VWA5B1: variants seen among roughly 807,000 people sequenced by gnomAD.
VWA5B1 encodes the protein von Willebrand factor A domain containing 5B1.
VWA5B1 carries 115 observed loss-of-function variants against 118.2 expected under a neutral mutation model. The ratio of observed to expected loss-of-function variants is 0.97; its 90% confidence interval spans 0.84 to 1.14. The LOEUF is 1.14. Among genes scored for constraint, VWA5B1 ranks in the 50% most tolerant of loss-of-function variants. The pLI is 0.00. For missense variants in VWA5B1, 1,596 were observed against 1,603.8 expected, an observed-to-expected ratio of 1.00 and a Z score of 0.08; for synonymous variants, 682 against 658.4, an observed-to-expected ratio of 1.04 and a Z score of -0.55.
intron 6 of VWA5B1, 76 bp from the exon 7 acceptor site, chr1:20,319,306 C>A: frequency 2.0e-6 from 3 of 1,526,088 alleles, no homozygotes; most frequent in South Asian, 1.2e-5. Flanking sequence ...GAGAATCTTG[C>A]ACCTAAACCA....
intron 1 of VWA5B1, among the ~76,000 whole-genome samples, chr1:20,291,359 T>TTCTTTCTTTCTTTCTTTCTCTCTCTCTC (rs1381113890): frequency 1.5e-4 from 15 of 103,402 alleles, no homozygotes; most frequent in African/African-American, 4.7e-4. Context: ...CTTTCTTTCT[T>TTCTTTCTTTCTTTCTTTCTCTCTCTCTC]TCTCTCTCTC....
At chr1:20,327,751 G>T (rs945286643) in intron 8 of VWA5B1, 139 bp from the exon 9 acceptor site, 1 of 724,820 alleles carries the variant, frequency 1.4e-6, no homozygotes, top group Non-Finnish European at 2.3e-6. Flanking sequence ...GAGGGAAAAG[G>T]AGTTGCTGGG....
At chr1:20,295,982 C>A (rs566439548) in intron 1 of VWA5B1, among the ~76,000 whole-genome samples, 2 of 152,294 alleles carry the variant, frequency 1.3e-5, no homozygotes, top group South Asian at 4.1e-4. Flanking sequence ...CCTGCCTCAG[C>A]CTCCTGAGTA....
chr1:20,354,270 G>C lies in VWA5B1; in HGVS notation c.*7G>C, dbSNP rs1204629126. The C allele has an allele frequency of 6.6e-7, 1 of 1,523,752 alleles. No individual in the cohort carries two copies. 94.4% of individuals were successfully genotyped at this position (1,523,752 alleles called of 1,614,324 possible). On this transcript the variant is annotated 3_prime_UTR_variant, in exon 22 of 22. Coordinates refer to ENST00000289815, the MANE Select transcript of VWA5B1 (RefSeq NM_001039500.3). Reference sequence around the variant, plus strand: ...TAACCCGAATTATGTGTAGTTGAGTGACGGGGAGGCTGGGTGGAGGGAAGG... The same window carrying C: ...TAACCCGAATTATGTGTAGTTGAGTCACGGGGAGGCTGGGTGGAGGGAAGG...
intron 3 of VWA5B1, 31 bp downstream of exon 3, chr1:20,313,019 CT>C (rs1442567338): frequency 7.1e-6 from 11 of 1,544,286 alleles, no homozygotes; most frequent in Non-Finnish European, 2.6e-6. Context: ...GCCGCGGGAC[CT>C]GGGTTTGGCC....
chr1:20,350,804 A>G (rs2090113732), intron 19 of VWA5B1, 53 bp from the exon 20 acceptor site: 1 of 1,519,802 alleles, frequency 6.6e-7, no homozygotes, highest in Non-Finnish European at 8.9e-7. Flanking sequence ...GTCAGTGAGC[A>G]GTTGGACGGG....
Position 20,358,679 on chromosome 1 carries a change from G to GTACT in VWA5B1, c.*4417_*4420dup, listed in dbSNP as rs2090271317. On this transcript the variant is annotated 3_prime_UTR_variant, in exon 22 of 22. Coordinates refer to ENST00000289815, the MANE Select transcript of VWA5B1 (RefSeq NM_001039500.3). ...GTGCCCTGGGAAAGGAGAGGGAAGG[G>GTACT]TACTGCCGCCCCATGAATGGGGCAT... Among the ~76,000 whole-genome samples the GTACT allele has an allele frequency of 1.3e-5, 2 of 152,188 alleles. No homozygotes were observed. The highest frequency in any genetic ancestry group is 4.1e-4 in the South Asian group (2 of 4,832).
In VWA5B1 at chr1:20,350,203, G is replaced by C. The variant is rs778244356; in HGVS notation, c.2926G>C (p.Gly976Arg). ...TALFSEARSP[G>R]REKHGASEGP... Reference sequence around the variant, plus strand: ...TCTCTTCAGCGAGGCCAGGTCCCCCGGCCGCGAGAAGCACGGTGCTTCTGA... The same window carrying C: ...TCTCTTCAGCGAGGCCAGGTCCCCCCGCCGCGAGAAGCACGGTGCTTCTGA... Residue 976 changes from glycine to arginine, a missense_variant, in exon 19 of 22, where the codon GGC becomes CGC. Transcript: ENST00000289815. 1 of 1,551,168 alleles carries C rather than the reference G, an allele frequency of 6.4e-7. No individual in the cohort carries two copies. The highest frequency in any genetic ancestry group is 8.7e-7 in the Non-Finnish European group (1 of 1,146,980).
chr1:20,351,600 C>A (rs752305897), intron 20 of VWA5B1, among the ~76,000 whole-genome samples: 3 of 151,998 alleles, frequency 2.0e-5, no homozygotes, highest in Non-Finnish European at 4.4e-5. Flanking sequence ...TGCAGTGAAC[C>A]GAGATTGCTC....
chr1:20,343,545 C>A (rs1360072642), intron 16 of VWA5B1, among the ~76,000 whole-genome samples, 152 bp downstream of exon 16: 1 of 147,778 alleles, frequency 6.8e-6, no homozygotes, highest in East Asian at 2.1e-4. Flanking sequence ...CCACCCCCTC[C>A]TCACAGCCCC....
Position 20,313,073 on chromosome 1 carries a change from G to C in VWA5B1, c.292+85G>C. On this transcript the variant is annotated intron_variant, in intron 3 of 21. Coordinates refer to ENST00000289815, the MANE Select transcript of VWA5B1 (RefSeq NM_001039500.3). ...GCTGGAGCCTCAGGCCAACTGCAAG[G>C]ATAGCAGTGGGATATGAGGCAGAAA... 4 of 1,482,408 alleles carry C rather than the reference G, an allele frequency of 2.7e-6. No homozygotes were observed. In the South Asian group the frequency reaches 5.3e-5, roughly 20 times the overall value. The allele number at this position is 1,482,408 out of a possible 1,614,324, so 91.8% of individuals were successfully genotyped here.
At chr1:20,330,458 T>A in intron 10 of VWA5B1, 76 bp downstream of exon 10, 1 of 1,507,702 alleles carries the variant, frequency 6.6e-7, no homozygotes, top group Admixed American at 2.0e-5. Context: ...AAGGGCAATG[T>A]GGAAAATGCC....
intron 1 of VWA5B1, among the ~76,000 whole-genome samples, chr1:20,301,258 A>G (rs1221831060): frequency 6.6e-6 from 1 of 152,252 alleles, no homozygotes; most frequent in Non-Finnish European, 1.5e-5. Flanking sequence ...AGCCGGAAGG[A>G]TAACCCAAAG....
In VWA5B1 at chr1:20,354,112, A is replaced by C; in HGVS notation, c.3497A>C (p.Lys1166Thr). 1 of 1,551,546 alleles carries C rather than the reference A, an allele frequency of 6.4e-7. No individual in the cohort carries two copies. ...ACTGAGTGGGAGTTGGTGGCTGCCA[A>C]GGCCAACTCATGGCTGGAGCAGCAG... ...YFTEWELVAAKANSWLEQQEV... is the reference protein window; with the variant it reads ...YFTEWELVAATANSWLEQQEV... Residue 1166 changes from lysine (K) to threonine (T), a missense_variant, in exon 22 of 22, where the codon AAG (lysine) becomes ACG (threonine). Lys to Thr is a moderately conservative substitution (Grantham distance 78). Transcript: ENST00000289815.
chr1:20,293,975 G>A (rs986568682), intron 1 of VWA5B1, among the ~76,000 whole-genome samples: 5 of 152,142 alleles, frequency 3.3e-5, no homozygotes, highest in South Asian at 2.1e-4. Flanking sequence ...GGAGGTCTTC[G>A]TCGATCAATG....
At chr1:20,322,043 G>A (rs1251869387) in intron 7 of VWA5B1, among the ~76,000 whole-genome samples, 4 of 152,242 alleles carry the variant, frequency 2.6e-5, no homozygotes, top group Non-Finnish European at 4.4e-5. Context: ...CTATTGCAAA[G>A]GTCGAGAGAG....
Position 20,326,535 on chromosome 1 carries a change from G to T in VWA5B1, c.1144-1355G>T, listed in dbSNP as rs182608694. Among the ~76,000 whole-genome samples the T allele has an allele frequency of 2.6e-4, 39 of 152,130 alleles. 1 individual carries two copies. The highest frequency in any genetic ancestry group is 3.4e-3 in the Middle Eastern group (1 of 294). On this transcript the variant is annotated intron_variant, in intron 8 of 21. Coordinates refer to ENST00000289815, the MANE Select transcript of VWA5B1 (RefSeq NM_001039500.3). ...GGCTGGAGTGCAGTGGCGTGATCTC[G>T]GCTCACTGCAGCCTCCGCCTCCCGG... is the stretch of plus-strand genomic sequence containing the variant.
intron 14 of VWA5B1, chr1:20,338,885 T>G: frequency 6.6e-6 from 1 of 152,238 alleles, no homozygotes; most frequent in Non-Finnish European, 1.5e-5. Context: ...GGGCTGGTCT[T>G]GAACTCCTGG....
At chr1:20,291,359 T>TTCTTTCTTTCTTTCTTTCTCTCTCTC (rs1381113890) in intron 1 of VWA5B1, among the ~76,000 whole-genome samples, 112 of 103,386 alleles carry the variant, frequency 1.1e-3, no homozygotes, top group African/African-American at 3.8e-3. Context: ...CTTTCTTTCT[T>TTCTTTCTTTCTTTCTTTCTCTCTCTC]TCTCTCTCTC....
Sources: allele counts gnomAD v4.1 joint callset (sites outside exome capture counted in the v4.1 genomes callset), GRCh38; gene constraint gnomAD v4.1.1; transcripts MANE v1.5; gene names NCBI Gene and HGNC (gene_info 2026-07-23, HGNC 2026-07-21).